ZNF678: variants seen among roughly 807,000 people sequenced by gnomAD.
ZNF678 encodes the protein hypothetical protein MGC42493.
Under a neutral mutation model 3.0 loss-of-function variants are expected in ZNF678, and 5 were observed. That is an observed-to-expected ratio of 1.69 (90% CI 0.88 to 3.56). The LOEUF is 3.56. Ranked by LOEUF, ZNF678 falls within the 30% of genes most tolerant of loss-of-function variation. ZNF678 has a pLI of 0.00. For missense variants in ZNF678, 593 were observed against 605.0 expected (o/e 0.98, Z 0.21); for synonymous variants, 218 against 199.6 (o/e 1.09, Z -0.78).
intron 5 of ZNF678, among the ~76,000 whole-genome samples, chr1:227,676,206 G>T (rs1659677212): frequency 6.6e-6 from 1 of 152,116 alleles, no homozygotes; most frequent in Admixed American, 6.5e-5. Flanking sequence ...AAATACTAAG[G>T]CAACAAACCA....
At chr1:227,612,683 A>G (rs1261927035) in intron 1 of ZNF678, among the ~76,000 whole-genome samples, 3 of 152,034 alleles carry the variant, frequency 2.0e-5, no homozygotes, top group Non-Finnish European at 2.9e-5. Flanking sequence ...GTTTTATTCA[A>G]CTCAGTTGCT....
At chr1:227,663,516 G>C (rs758288736), downstream of ZNF678, among the ~76,000 whole-genome samples, 1 of 152,132 alleles carries the variant, frequency 6.6e-6, no homozygotes, top group Non-Finnish European at 1.5e-5. Flanking sequence ...GTTAACCCCC[G>C]GCTCCCCTTT....
intron 1 of ZNF678, among the ~76,000 whole-genome samples, chr1:227,644,852 G>A (rs377290815): frequency 2.6e-4 from 40 of 152,208 alleles, no homozygotes; most frequent in East Asian, 9.7e-4. Context: ...TAAGAACATC[G>A]GTGTTGTTTT....
At chr1:227,603,593 G>A (rs1457348647) in intron 1 of ZNF678, among the ~76,000 whole-genome samples, 1 of 152,096 alleles carries the variant, frequency 6.6e-6, no homozygotes, top group Admixed American at 6.5e-5. Flanking sequence ...TTCCTCACCC[G>A]CCATTGCTCA....
chr1:227,635,113 A>G (rs1658641688), intron 1 of ZNF678, among the ~76,000 whole-genome samples: 1 of 151,994 alleles, frequency 6.6e-6, no homozygotes, highest in African/African-American at 2.4e-5. Context: ...TAATTCTCCA[A>G]GTTGAATACG....
chr1:227,630,612 A>G (rs989223448), intron 1 of ZNF678, among the ~76,000 whole-genome samples: 4 of 152,246 alleles, frequency 2.6e-5, no homozygotes, highest in African/African-American at 9.6e-5. Flanking sequence ...GTCTATTTTA[A>G]TTTGCTTCAA....
At chr1:227,636,375 C>T (rs928022100) in intron 1 of ZNF678, among the ~76,000 whole-genome samples, 1 of 152,214 alleles carries the variant, frequency 6.6e-6, no homozygotes, top group Non-Finnish European at 1.5e-5. Flanking sequence ...CCCTCTTCTT[C>T]TAATAAGTAG....
At chr1:227,647,354 C>G (rs1177388325) in intron 2 of ZNF678, among the ~76,000 whole-genome samples, 1 of 152,130 alleles carries the variant, frequency 6.6e-6, no homozygotes, top group African/African-American at 2.4e-5. Flanking sequence ...TTTTCTAGAA[C>G]CTTCTAAAAA....
intron 1 of ZNF678, chr1:227,598,985 C>T (rs1215266848): frequency 1.3e-5 from 16 of 1,198,068 alleles, no homozygotes; most frequent in Non-Finnish European, 1.9e-5. Flanking sequence ...CAGCCAAAAC[C>T]TTGGAGCCTT....
chr1:227,590,241 G>A (rs1451237996), intron 1 of ZNF678, among the ~76,000 whole-genome samples: 1 of 151,786 alleles, frequency 6.6e-6, no homozygotes, highest in Non-Finnish European at 1.5e-5. Flanking sequence ...GTTTCATCAT[G>A]TCTTTAACTG....
chr1:227,594,470 A>C (rs933285479), intron 1 of ZNF678, among the ~76,000 whole-genome samples: 1 of 152,234 alleles, frequency 6.6e-6, no homozygotes, highest in Non-Finnish European at 1.5e-5. Context: ...TCCAGTTTAC[A>C]GAAAAACTGG....
intron 1 of ZNF678, among the ~76,000 whole-genome samples, chr1:227,587,749 A>G (rs945423091): frequency 6.6e-6 from 1 of 151,862 alleles, no homozygotes; most frequent in African/African-American, 2.4e-5. Context: ...CTTCTCCTCC[A>G]TGCCTTCTTA....
intron 1 of ZNF678, among the ~76,000 whole-genome samples, chr1:227,583,104 C>T (rs776520622): frequency 6.6e-6 from 1 of 151,882 alleles, no homozygotes; most frequent in Non-Finnish European, 1.5e-5. Context: ...ATTATGTATC[C>T]GTTGCTCTGA....
At chr1:227,670,971 T>A (rs1055703709) in intron 5 of ZNF678, among the ~76,000 whole-genome samples, 41 of 151,692 alleles carry the variant, frequency 2.7e-4, no homozygotes, top group Middle Eastern at 3.4e-3. Context: ...CCTTTTATTT[T>A]TTTTTTTTTT....
Position 227,608,751 on chromosome 1 carries a change from C to T in ZNF678, c.-163-37793C>T, listed in dbSNP as rs550464471. On this transcript the variant is annotated intron_variant, in intron 1 of 3. Transcript: ENST00000343776. ...GATGTTATAAGAGCACTTAAAATGC[C>T]CGGTAGAGTTGAAGGAAAAATGCAG... Among the ~76,000 whole-genome samples the T allele has an allele frequency of 1.0e-3, 157 of 152,004 alleles. 1 individual carries two copies. The highest frequency in any genetic ancestry group is 2.0e-3 in the Non-Finnish European group (138 of 67,960).
intron 1 of ZNF678, among the ~76,000 whole-genome samples, chr1:227,637,354 G>A (rs528938893): frequency 1.4e-4 from 22 of 152,300 alleles, no homozygotes; most frequent in African/African-American, 4.6e-4. Context: ...ATTGCGGTGA[G>A]CTAGCATGTC....
chr1:227,619,933 G>T (rs1199607373), intron 1 of ZNF678, among the ~76,000 whole-genome samples: 1 of 151,936 alleles, frequency 6.6e-6, no homozygotes, highest in Admixed American at 6.5e-5. Context: ...TTGGAGAATT[G>T]ATTTTTTTCA....
intron 1 of ZNF678, among the ~76,000 whole-genome samples, chr1:227,612,521 A>T (rs1658045297): frequency 6.6e-6 from 1 of 152,146 alleles, no homozygotes; most frequent in South Asian, 2.1e-4. Flanking sequence ...CACACCAGTA[A>T]GATCCTGCCT....
chr1:227,648,624 C>T (rs1426459746), intron 2 of ZNF678, among the ~76,000 whole-genome samples: 1 of 152,134 alleles, frequency 6.6e-6, no homozygotes, highest in Non-Finnish European at 1.5e-5. Context: ...TCGATACCAG[C>T]CTGGCCAACA....
Sources: gnomAD v4.1 joint callset for allele counts (sites outside exome capture counted in the v4.1 genomes callset) on GRCh38, gnomAD v4.1.1 for gene constraint, MANE v1.5 for transcripts, NCBI Gene and HGNC (gene_info 2026-07-23, HGNC 2026-07-21) for gene names.